The following PRKG1 variants were observed in gnomAD, a reference collection of about 807,000 sequenced individuals.
PRKG1 encodes the protein protein kinase cGMP-dependent 1.
Under a neutral mutation model 88.1 loss-of-function variants are expected in PRKG1, and 35 were observed. The ratio of observed to expected loss-of-function variants is 0.40; its 90% confidence interval spans 0.30 to 0.53. The LOEUF (loss-of-function observed/expected upper bound fraction) is 0.53. Among genes scored for constraint, PRKG1 ranks in the 20% least tolerant of loss-of-function variants. The pLI, the probability that PRKG1 is intolerant of heterozygous loss-of-function variation, is 0.59. For synonymous variants in PRKG1, 303 were observed against 292.5 expected (o/e 1.04, Z -0.37); for missense variants, 540 against 839.8 (o/e 0.64, Z 4.41).
At chr10:51,375,756 G>GA (rs1842804205) in intron 2 of PRKG1, among the ~76,000 whole-genome samples, 1 of 142,090 alleles carries the variant, frequency 7.0e-6, no homozygotes, top group Admixed American at 7.0e-5. Context: ...GTTGGTGGTG[G>GA]GGGGGTGTTA....
chr10:51,061,507 T>G (rs1268705470), intron 1 of PRKG1, among the ~76,000 whole-genome samples: 2 of 152,210 alleles, frequency 1.3e-5, no homozygotes, highest in Non-Finnish European at 2.9e-5. Flanking sequence ...TGTGGCATGA[T>G]AGTTTTTATC....
intron 3 of PRKG1, among the ~76,000 whole-genome samples, chr10:51,714,734 G>A (rs775510982): frequency 4.6e-5 from 7 of 152,182 alleles, no homozygotes; most frequent in Admixed American, 2.0e-4. Flanking sequence ...ACTTGGAGCA[G>A]TAGTTTTGAA....
At chr10:51,942,559 T>G (rs1423743543) in intron 5 of PRKG1, among the ~76,000 whole-genome samples, 1 of 149,032 alleles carries the variant, frequency 6.7e-6, no homozygotes, top group East Asian at 2.0e-4. Context: ...ATGCCTAGGT[T>G]TTCTTCTAGG....
intron 3 of PRKG1, among the ~76,000 whole-genome samples, chr10:51,711,593 T>G (rs1841752536): frequency 6.6e-6 from 1 of 152,240 alleles, no homozygotes; most frequent in South Asian, 2.1e-4. Flanking sequence ...GAAACTGAAG[T>G]TGTCTTGCCT....
intron 3 of PRKG1, among the ~76,000 whole-genome samples, chr10:51,721,527 C>T (rs1268894290): frequency 1.3e-5 from 2 of 152,132 alleles, no homozygotes; most frequent in Non-Finnish European, 2.9e-5. Context: ...TGGAAATCCA[C>T]GTTATTCACC....
chr10:51,390,838 G>C (rs932864202), intron 2 of PRKG1, among the ~76,000 whole-genome samples: 3 of 152,096 alleles, frequency 2.0e-5, no homozygotes, highest in African/African-American at 4.8e-5. Context: ...TGTCATTACT[G>C]TTACCTACAG....
intron 2 of PRKG1, among the ~76,000 whole-genome samples, chr10:51,413,665 A>C (rs750105750): frequency 6.6e-6 from 1 of 152,068 alleles, no homozygotes; most frequent in East Asian, 1.9e-4. Context: ...AGCCAAAAAA[A>C]GTTTTTAAAA....
At position 51,610,351 on chromosome 10, in the gene PRKG1, GT is replaced by G. The variant is rs1838875334; in HGVS notation, c.592+142520del. 2.0e-5 allele frequency among the ~76,000 whole-genome samples: 3 copies of G among 152,040 alleles called. No homozygotes were observed. The South Asian group carries it at 6.2e-4, about 31-fold the overall frequency. On this transcript the variant is annotated intron_variant, in intron 3 of 17. Coordinates refer to ENST00000373980, the MANE Select transcript of PRKG1 (RefSeq NM_006258.4). ...CACTCACTACCTCCATGTGAGCAAT[GT>G]TTTTAGTTCCAACATATATGTGAGA... is the stretch of plus-strand genomic sequence containing the variant.
chr10:51,323,133 A>G (rs912313270), intron 2 of PRKG1, among the ~76,000 whole-genome samples: 9 of 152,204 alleles, frequency 5.9e-5, no homozygotes, highest in African/African-American at 2.2e-4. Context: ...CAAAGACACT[A>G]ATTGACAGAG....
intron 3 of PRKG1, among the ~76,000 whole-genome samples, chr10:51,722,479 G>A (rs1050895164): frequency 6.6e-6 from 1 of 151,582 alleles, no homozygotes; most frequent in Non-Finnish European, 1.5e-5. Flanking sequence ...ATATTATGTT[G>A]ATACTTATTA....
At chr10:51,645,417 T>C (rs1209608559) in intron 3 of PRKG1, among the ~76,000 whole-genome samples, 2 of 152,188 alleles carry the variant, frequency 1.3e-5, no homozygotes, top group Admixed American at 6.5e-5. Flanking sequence ...AAATAAGCAA[T>C]CTTTTGAGTT....
intron 3 of PRKG1, among the ~76,000 whole-genome samples, chr10:51,715,193 C>T: frequency 6.6e-6 from 1 of 152,088 alleles, no homozygotes; most frequent in East Asian, 1.9e-4. Flanking sequence ...ACTTTATTTA[C>T]CCTGTGTTCC....
chr10:51,409,129 G>A (rs973826808), intron 2 of PRKG1, among the ~76,000 whole-genome samples: 4 of 152,160 alleles, frequency 2.6e-5, no homozygotes, highest in African/African-American at 7.2e-5. Flanking sequence ...TCCCTTCACC[G>A]CTTTCCTCAG....
intron 9 of PRKG1, among the ~76,000 whole-genome samples, chr10:52,192,682 A>C (rs997702963): frequency 6.6e-6 from 1 of 152,126 alleles, no homozygotes; most frequent in African/African-American, 2.4e-5. Flanking sequence ...TCCAGATATC[A>C]ATAAATATCA....
At chr10:52,220,413 T>TTATATA (rs150890362) in intron 9 of PRKG1, among the ~76,000 whole-genome samples, 1,824 of 151,036 alleles carry the variant, frequency 0.012, 29 homozygotes, top group African/African-American at 0.042. Context: ...ATGACATCTT[T>TTATATA]TATATATATA....
At chr10:51,478,279 G>T (rs1354139433) in intron 3 of PRKG1, among the ~76,000 whole-genome samples, 2 of 152,078 alleles carry the variant, frequency 1.3e-5, no homozygotes, top group Non-Finnish European at 2.9e-5. Flanking sequence ...AAAGTAGATT[G>T]TATCTTAAGA....
At position 50,991,650 on chromosome 10, in the gene PRKG1, C is replaced by T. The variant is rs1265220691; in HGVS notation, c.266+6C>T. On this transcript the variant is annotated splice_donor_region_variant and intron_variant, in intron 1 of 17. Transcript: ENST00000401604. This position sits in a 1 kb window ranked among gnomAD's most constrained non-coding sequence, Gnocchi z 4.5. The stretch of plus-strand genomic sequence containing the variant: ...AAGTTCACCAAGTCCGAAAGGTAGG[C>T]GCGGAGGCCGTGGGCCCGGGCGCTC... The T allele has an allele frequency of 2.7e-6, 4 of 1,502,760 alleles. No homozygotes were observed. Among genetic ancestry groups the T allele is most frequent in the East Asian group, 2.8e-5 (1 of 35,504 alleles). The allele number at this position is 1,502,760 out of a possible 1,614,324, so 93.1% of individuals were successfully genotyped here. A position where few individuals can be genotyped will look rare whatever the true frequency, so the allele number is the denominator to read the frequency against.
chr10:51,219,216 C>T (rs1346016385), intron 2 of PRKG1, among the ~76,000 whole-genome samples: 1 of 152,096 alleles, frequency 6.6e-6, no homozygotes, highest in Non-Finnish European at 1.5e-5. Context: ...CCGAACATAA[C>T]TTATGTTTTT....
intron 3 of PRKG1, among the ~76,000 whole-genome samples, chr10:51,661,009 C>T (rs987638531): frequency 1.4e-5 from 2 of 143,844 alleles, no homozygotes; most frequent in African/African-American, 4.9e-5. Context: ...GAGCCCATTT[C>T]ATTCTGTGAG....
Sources: allele counts gnomAD v4.1 joint callset (sites outside exome capture counted in the v4.1 genomes callset), GRCh38; gene constraint gnomAD v4.1.1; non-coding constraint Gnocchi (gnomAD v3.1); transcripts MANE v1.5; gene names NCBI Gene and HGNC (gene_info 2026-07-23, HGNC 2026-07-21).